The following RSRC1 variants were observed in gnomAD, a reference collection of about 807,000 sequenced individuals.
RSRC1 encodes serine/Arginine-related protein 53.
Under a neutral mutation model 49.1 loss-of-function variants are expected in RSRC1, and 39 were observed. That is an observed-to-expected ratio of 0.79 (90% CI 0.61 to 1.04). RSRC1 has a LOEUF of 1.04. RSRC1 is among the 50% of genes least tolerant of loss of function. The pLI is 0.00. For missense variants in RSRC1, 388 were observed against 402.4 expected (o/e 0.96, Z 0.31); for synonymous variants, 143 against 130.8 (o/e 1.09, Z -0.63).
chr3:158,305,211 C>T (rs1727770454), intron 5 of RSRC1, among the ~76,000 whole-genome samples: 1 of 151,548 alleles, frequency 6.6e-6, no homozygotes, highest in Admixed American at 6.6e-5. Context: ...TTATAAGGCA[C>T]AATGGTTTTT....
intron 5 of RSRC1, among the ~76,000 whole-genome samples, chr3:158,340,966 A>G (rs1404659814): frequency 6.6e-6 from 1 of 152,168 alleles, no homozygotes; most frequent in Non-Finnish European, 1.5e-5. Flanking sequence ...GACTCTTGTT[A>G]TGTTTTAGCA....
At chr3:158,225,374 G>A (rs1260519681) in intron 4 of RSRC1, among the ~76,000 whole-genome samples, 1 of 151,804 alleles carries the variant, frequency 6.6e-6, no homozygotes, top group Non-Finnish European at 1.5e-5. Flanking sequence ...AAATACATAT[G>A]TATTAATCAG....
chr3:158,432,353 G>T (rs1183655189), intron 6 of RSRC1, among the ~76,000 whole-genome samples: 1 of 151,922 alleles, frequency 6.6e-6, no homozygotes, highest in Non-Finnish European at 1.5e-5. Flanking sequence ...ATTAAGTGAT[G>T]AGAAAGGCAG....
At chr3:158,156,737 T>G (rs916094106) in intron 3 of RSRC1, among the ~76,000 whole-genome samples, 1 of 152,160 alleles carries the variant, frequency 6.6e-6, no homozygotes, top group Non-Finnish European at 1.5e-5. Flanking sequence ...GGGGGAGCAC[T>G]CAGAACACAC....
At chr3:158,499,981 G>A in intron 7 of RSRC1, among the ~76,000 whole-genome samples, 1 of 152,174 alleles carries the variant, frequency 6.6e-6, no homozygotes, top group East Asian at 1.9e-4. Context: ...TCCCCATTCA[G>A]TATTATGTTG....
At chr3:158,297,120 T>C (rs1727279940) in intron 4 of RSRC1, among the ~76,000 whole-genome samples, 1 of 152,060 alleles carries the variant, frequency 6.6e-6, no homozygotes, top group Non-Finnish European at 1.5e-5. Flanking sequence ...ATAATTACTT[T>C]CTGCAATGTG....
intron 3 of RSRC1, among the ~76,000 whole-genome samples, chr3:158,161,660 G>A (rs1416853620): frequency 6.6e-6 from 1 of 152,160 alleles, no homozygotes; most frequent in Admixed American, 6.5e-5. Context: ...TACTTGGGAG[G>A]CTGAGGCAGG....
At chr3:158,507,033 A>G (rs1739891134) in intron 7 of RSRC1, among the ~76,000 whole-genome samples, 1 of 152,094 alleles carries the variant, frequency 6.6e-6, no homozygotes, top group South Asian at 2.1e-4. Flanking sequence ...TGTTGTATAT[A>G]TACACAATGG....
intron 7 of RSRC1, among the ~76,000 whole-genome samples, chr3:158,510,223 A>G (rs1002371970): frequency 2.6e-5 from 4 of 152,132 alleles, no homozygotes. Context: ...GCGTCTTCTC[A>G]TGTATGTATT....
At chr3:158,245,878 C>A (rs1455801735) in intron 4 of RSRC1, among the ~76,000 whole-genome samples, 1 of 152,104 alleles carries the variant, frequency 6.6e-6, no homozygotes, top group African/African-American at 2.4e-5. Flanking sequence ...GATTCCAACT[C>A]CTGCCTTTTG....
intron 4 of RSRC1, among the ~76,000 whole-genome samples, chr3:158,280,491 A>G (rs995316279): frequency 2.0e-5 from 3 of 152,132 alleles, no homozygotes; most frequent in African/African-American, 4.8e-5. Flanking sequence ...CATAATTCCT[A>G]TCACAGAATC....
chr3:158,449,570 T>C (rs1314185789), intron 6 of RSRC1, among the ~76,000 whole-genome samples: 1 of 151,776 alleles, frequency 6.6e-6, no homozygotes. Flanking sequence ...CGTGAGAAAT[T>C]TGTGTTCTGT....
At chr3:158,414,815 T>C (rs1734657729) in intron 6 of RSRC1, among the ~76,000 whole-genome samples, 1 of 152,138 alleles carries the variant, frequency 6.6e-6, no homozygotes, top group Admixed American at 6.6e-5. Context: ...ACATTTAATT[T>C]CTTTCCAATT....
intron 6 of RSRC1, among the ~76,000 whole-genome samples, chr3:158,435,865 A>G (rs1736015659): frequency 6.6e-6 from 1 of 151,784 alleles, no homozygotes; most frequent in Admixed American, 6.6e-5. Context: ...ATCCACACAT[A>G]TATCTTAAAA....
chr3:158,467,548 A>G (rs1474033942), intron 7 of RSRC1, among the ~76,000 whole-genome samples: 1 of 152,156 alleles, frequency 6.6e-6, no homozygotes, highest in Non-Finnish European at 1.5e-5. Context: ...AATTTGGCAT[A>G]CTCACCATAG....
chr3:158,426,744 G>A lies in RSRC1; in HGVS notation c.584-34191G>A, dbSNP rs1423395056. 4.0e-5 allele frequency among the ~76,000 whole-genome samples: 6 copies of A among 151,846 alleles called. No individual in the cohort carries two copies. The East Asian group carries it at 5.9e-4, about 15-fold the overall frequency. On this transcript the variant is annotated intron_variant, in intron 6 of 9. Coordinates refer to ENST00000611884, the MANE Select transcript of RSRC1 (RefSeq NM_001271838.2). ...CAGTGATCAAGTTAGAAGCCATACC[G>A]AAATGAACTGAAGAATGAATGAGTG...
chr3:158,456,314 T>G (rs1034880359), intron 6 of RSRC1, among the ~76,000 whole-genome samples: 82 of 150,906 alleles, frequency 5.4e-4, no homozygotes, highest in Non-Finnish European at 8.7e-4. Context: ...TGAGGGTTTT[T>G]TTTTTTTTTT....
At chr3:158,378,395 C>T (rs1354336448) in intron 6 of RSRC1, among the ~76,000 whole-genome samples, 4 of 152,042 alleles carry the variant, frequency 2.6e-5, no homozygotes, top group African/African-American at 9.7e-5. Flanking sequence ...TTTCCTTGTT[C>T]TTTAGATGTT....
intron 4 of RSRC1, among the ~76,000 whole-genome samples, chr3:158,246,898 G>A (rs547372070): frequency 1.3e-5 from 2 of 152,192 alleles, no homozygotes; most frequent in East Asian, 3.9e-4. Context: ...GGGGTTCTCT[G>A]CATTTTCTGA....
Sources: gnomAD v4.1 joint callset for allele counts (sites outside exome capture counted in the v4.1 genomes callset) on GRCh38, gnomAD v4.1.1 for gene constraint, MANE v1.5 for transcripts, NCBI Gene and HGNC (gene_info 2026-07-23, HGNC 2026-07-21) for gene names.